The following KCNAB2 variants were observed in gnomAD, a reference collection of about 807,000 sequenced individuals.
The protein encoded by KCNAB2 is potassium voltage-gated channel subfamily A regulatory beta subunit 2.
Under a neutral mutation model 63.6 loss-of-function variants are expected in KCNAB2, and 29 were observed. The ratio of observed to expected loss-of-function variants is 0.46; its 90% confidence interval spans 0.34 to 0.62. The LOEUF (loss-of-function observed/expected upper bound fraction) is 0.62, where lower values mean the gene tolerates loss of function less well. Ranked by LOEUF, KCNAB2 falls within the 20% of genes least tolerant of loss-of-function variation. KCNAB2 has a pLI of 0.01. For missense variants in KCNAB2, 359 were observed against 563.9 expected (o/e 0.64, Z 3.68); for synonymous variants, 222 against 224.2 (o/e 0.99, Z 0.09).
intron 8 of KCNAB2, 23 bp from the exon 9 acceptor site, chr1:6,090,366 C>T: frequency 1.3e-6 from 2 of 1,572,210 alleles, no homozygotes; most frequent in African/African-American, 1.3e-5. Context: ...GCAGTGACGC[C>T]CCCCCACCTG....
At position 6,096,591 on chromosome 1, in the gene KCNAB2, C is replaced by T. The variant is rs899340726; in HGVS notation, c.949-45C>T. ...CCCCTGCACGTGGGGGTCCAGGTGA[C>T]CTGCTCTCATCTGTAGCTGTGCTGC... On this transcript the variant is annotated intron_variant, in intron 13 of 15. Transcript: ENST00000378083. This position sits in a 1 kb window ranked among gnomAD's most constrained non-coding sequence, Gnocchi z 5.9. The T allele has an allele frequency of 1.2e-5, 19 of 1,583,892 alleles. No homozygotes were observed. In the Middle Eastern group the frequency reaches 6.7e-4, roughly 56 times the overall value.
At chr1:6,009,267 G>A (rs547678674) in intron 1 of KCNAB2, among the ~76,000 whole-genome samples, 3 of 152,358 alleles carry the variant, frequency 2.0e-5, no homozygotes, top group East Asian at 1.9e-4. Context: ...GGCCCGCCTG[G>A]TATGCCCATG....
At chr1:6,001,358 G>C (rs1220925222) in intron 1 of KCNAB2, among the ~76,000 whole-genome samples, 2 of 151,884 alleles carry the variant, frequency 1.3e-5, no homozygotes, top group African/African-American at 2.4e-5. Flanking sequence ...CAGACACACA[G>C]AGCCTGTGCC....
At chr1:6,009,076 G>C (rs113051032) in intron 1 of KCNAB2, among the ~76,000 whole-genome samples, 278 of 152,318 alleles carry the variant, frequency 1.8e-3, no homozygotes, top group African/African-American at 6.3e-3. Flanking sequence ...TGCAGGCCAC[G>C]CTCTGAGCCT....
chr1:6,009,329 C>T (rs566951955), intron 1 of KCNAB2, among the ~76,000 whole-genome samples: 1 of 152,366 alleles, frequency 6.6e-6, no homozygotes, highest in African/African-American at 2.4e-5. Context: ...TCGCTGGGTA[C>T]ATGAGCAGGC....
intron 2 of KCNAB2, among the ~76,000 whole-genome samples, chr1:6,059,746 C>T (rs1425059546): frequency 2.6e-5 from 4 of 152,114 alleles, no homozygotes; most frequent in African/African-American, 4.8e-5. Flanking sequence ...CTCACAGCCG[C>T]GGGCCTCTCT....
Position 6,087,558 on chromosome 1 carries a change from C to T in KCNAB2, c.470+47C>T, listed in dbSNP as rs758892925. 47 of 1,597,494 alleles carry T rather than the reference C, an allele frequency of 2.9e-5. No homozygotes were observed. The highest frequency in any genetic ancestry group is 1.7e-4 in the Middle Eastern group (1 of 6,050). The stretch of plus-strand genomic sequence containing the variant: ...GCTTCCAGCCCCGGCCCAGCAGCCA[C>T]GGCCCCGTGCTCCCCAGAGACCCCT... On this transcript the variant is annotated intron_variant, in intron 7 of 15. Coordinates refer to ENST00000378083, the MANE Select transcript of KCNAB2 (RefSeq NM_001199862.2). The surrounding 1 kb of genome is among the most constrained non-coding windows in gnomAD (Gnocchi z 6.4).
At chr1:6,085,964 CG>C in intron 6 of KCNAB2, 2 of 985,424 alleles carry the variant, frequency 2.0e-6, no homozygotes, top group South Asian at 9.4e-5. Context: ...GGTCGCAGAT[CG>C]GGGGCCATCC....
rs958486681 is a variant in KCNAB2 at position 6,035,562 on chromosome 1, C to T, written c.-53+768C>T. Among the ~76,000 whole-genome samples the T allele has an allele frequency of 3.9e-5, 6 of 151,924 alleles. No individual in the cohort carries two copies. The highest frequency in any genetic ancestry group is 8.8e-5 in the Non-Finnish European group (6 of 67,952). On this transcript the variant is annotated intron_variant, in intron 1 of 15. Transcript: ENST00000164247. This position sits in a 1 kb window ranked among gnomAD's most constrained non-coding sequence, Gnocchi z 5.0. ...GGGAGGAAGGGAGGAGTCGGGGTGA[C>T]TCCCGGGAGTGGGACTGACACCTGG...
intron 6 of KCNAB2, among the ~76,000 whole-genome samples, chr1:6,085,497 C>T (rs941395226): frequency 1.3e-5 from 2 of 152,200 alleles, no homozygotes; most frequent in African/African-American, 4.8e-5. Context: ...TCTGTCCCAA[C>T]TCATCCACAG....
At chr1:6,091,423 TAA>T in intron 10 of KCNAB2, 116 bp downstream of exon 10, 1 of 785,172 alleles carries the variant, frequency 1.3e-6, no homozygotes, top group South Asian at 1.7e-5. Context: ...ATAAAATGCA[TAA>T]AGAGGGGAAA....
In KCNAB2 at chr1:6,035,454, G is replaced by T. The variant is rs995613941; in HGVS notation, c.-53+660G>T. 6.6e-6 allele frequency among the ~76,000 whole-genome samples: 1 copy of T among 152,172 alleles called. No homozygotes were observed. Among genetic ancestry groups the T allele is most frequent in the Non-Finnish European group, 1.5e-5 (1 of 68,030 alleles). ...TGCTGTGAGGAGCAGCATGAGAGCC[G>T]GTGGCAGCTGGGCAGGAGAGGAGAC... On this transcript the variant is annotated intron_variant, in intron 1 of 15. Transcript: ENST00000164247. The surrounding 1 kb of genome is among the most constrained non-coding windows in gnomAD (Gnocchi z 5.0).
In KCNAB2 at chr1:6,035,093, C is replaced by T. The variant is rs536278512; in HGVS notation, c.-53+299C>T. Among the ~76,000 whole-genome samples, 7 of 152,218 alleles carry T rather than the reference C, an allele frequency of 4.6e-5. No homozygotes were observed. Among genetic ancestry groups the T allele is most frequent in the African/African-American group, 1.7e-4 (7 of 41,532 alleles). On this transcript the variant is annotated intron_variant, in intron 1 of 15. Coordinates refer to the KCNAB2 transcript ENST00000164247. This position sits in a 1 kb window ranked among gnomAD's most constrained non-coding sequence, Gnocchi z 5.0. ...GGTGACCTTGGCATAAAGAGGCAAA[C>T]GTGGGAGCATGCTCAGGCAGACCAC...
intron 1 of KCNAB2, among the ~76,000 whole-genome samples, chr1:6,017,646 C>T (rs1339387960): frequency 2.0e-5 from 3 of 152,126 alleles, no homozygotes; most frequent in Non-Finnish European, 4.4e-5. Context: ...CAAAAATTAG[C>T]CGGGCATGGT....
chr1:6,009,784 C>T (rs1271553295), intron 1 of KCNAB2, among the ~76,000 whole-genome samples: 1 of 152,102 alleles, frequency 6.6e-6, no homozygotes, highest in Admixed American at 6.6e-5. Context: ...CTCTGTCTCT[C>T]TATGTCTTTA....
At chr1:6,053,413 C>T (rs575498501) in intron 2 of KCNAB2, among the ~76,000 whole-genome samples, 15 of 152,122 alleles carry the variant, frequency 9.9e-5, no homozygotes, top group South Asian at 2.1e-4. Context: ...CGAGCTTGCA[C>T]GGAGACAAGT....
At chr1:6,084,530 A>G (rs1178739612) in intron 5 of KCNAB2, among the ~76,000 whole-genome samples, 2 of 152,216 alleles carry the variant, frequency 1.3e-5, no homozygotes, top group Non-Finnish European at 2.9e-5. Context: ...GAAAAAAGAT[A>G]CTTGTCCCGG....
At position 6,087,620 on chromosome 1, in the gene KCNAB2, C is replaced by T. The variant is rs908741007; in HGVS notation, c.470+109C>T. The T allele has an allele frequency of 3.6e-5, 42 of 1,178,424 alleles. No individual in the cohort carries two copies. The East Asian group carries it at 8.3e-4, about 23-fold the overall frequency. 73.0% of individuals were successfully genotyped at this position (1,178,424 alleles called of 1,614,324 possible). A position where few individuals can be genotyped will look rare whatever the true frequency, so the allele number is the denominator to read the frequency against. ...CTCCTGGGGTGGCGGGAGGACAGTC[C>T]TCCTTGAGAAGGGAGAGTGGTCGGG... On this transcript the variant is annotated intron_variant, in intron 7 of 15. Transcript: ENST00000378083. The surrounding 1 kb of genome is among the most constrained non-coding windows in gnomAD (Gnocchi z 6.4).
At chr1:6,050,862 C>G (rs184588080) in intron 1 of KCNAB2, among the ~76,000 whole-genome samples, 56 of 152,338 alleles carry the variant, frequency 3.7e-4, no homozygotes, top group Admixed American at 2.7e-3. Flanking sequence ...GCATGAAGCC[C>G]AAAGATCTCT....
Sources: allele counts gnomAD v4.1 joint callset (sites outside exome capture counted in the v4.1 genomes callset), GRCh38; gene constraint gnomAD v4.1.1; non-coding constraint Gnocchi (gnomAD v3.1); transcripts MANE v1.5; gene names NCBI Gene and HGNC (gene_info 2026-07-23, HGNC 2026-07-21).